RNF111: variants seen among roughly 807,000 people sequenced by gnomAD.
The protein encoded by RNF111 is ring finger protein 111.
RNF111 carries 17 observed loss-of-function variants against 95.1 expected under a neutral mutation model. That is an observed-to-expected ratio of 0.18 (90% CI 0.12 to 0.27). The LOEUF (loss-of-function observed/expected upper bound fraction) is 0.27. Ranked by LOEUF, RNF111 falls within the 10% of genes least tolerant of loss-of-function variation. RNF111 has a pLI of 1.00. For synonymous variants in RNF111, 440 were observed against 414.8 expected (o/e 1.06, Z -0.74); for missense variants, 1,189 against 1,210.4 (o/e 0.98, Z 0.26).
intron 1 of RNF111, among the ~76,000 whole-genome samples, chr15:59,019,417 A>G (rs1400041652): frequency 6.6e-6 from 1 of 152,180 alleles, no homozygotes; most frequent in African/African-American, 2.4e-5. Flanking sequence ...TTTAAAAAAA[A>G]TTGGCTTTCT....
Position 59,095,078 on chromosome 15 carries a change from T to G in RNF111, c.*178T>G, listed in dbSNP as rs1279305360. 5.2e-6 allele frequency: 3 copies of G among 577,262 alleles called. No homozygotes were observed. The highest frequency in any genetic ancestry group is 3.9e-4 in the Middle Eastern group (1 of 2,594). The allele number at this position is 577,262 out of a possible 1,614,324, so 35.8% of individuals were successfully genotyped here. A position where few individuals can be genotyped will look rare whatever the true frequency, so the allele number is the denominator to read the frequency against. On this transcript the variant is annotated 3_prime_UTR_variant, in exon 14 of 14. Transcript: ENST00000348370. ...AGTTTATGTATACAGTTGATTTTGATGTATTTATAAAAGCTTTTTTTTCTA... is the reference window on the plus strand; with the variant it reads ...AGTTTATGTATACAGTTGATTTTGAGGTATTTATAAAAGCTTTTTTTTCTA...
rs1444865033 is a variant in RNF111 at position 59,031,068 on chromosome 15, G to A, written c.246G>A (p.Gln82=). The stretch of plus-strand genomic sequence containing the variant: ...AAGAGAAGGAAATGAATGGTAACCA[G>A]CAAGAACAAGAAAAAAGTCTCGTTG... ...QKQEKEMNGN[Q]QEQEKSLVVR... Residue 82 remains glutamine, a synonymous_variant, in exon 2 of 14, where the codon CAG becomes CAA. Coordinates refer to ENST00000348370, the MANE Select transcript of RNF111 (RefSeq NM_017610.8). The A allele has an allele frequency of 1.2e-6, 2 of 1,614,118 alleles. No homozygotes were observed. Among genetic ancestry groups the A allele is most frequent in the Admixed American group, 3.3e-5 (2 of 60,010 alleles).
intron 1 of RNF111, among the ~76,000 whole-genome samples, chr15:58,988,777 G>C (rs1298679999): frequency 6.6e-6 from 1 of 152,132 alleles, no homozygotes; most frequent in African/African-American, 2.4e-5. Context: ...TAATTTGTTC[G>C]TGTGTGTGTT....
chr15:59,031,434 C>G lies in RNF111; in HGVS notation c.612C>G (p.Gly204=). The G allele has an allele frequency of 1.9e-6, 3 of 1,614,166 alleles. No individual in the cohort carries two copies. Among genetic ancestry groups the G allele is most frequent in the Non-Finnish European group, 2.5e-6 (3 of 1,180,026 alleles). ...GLLMKRPCLH[G]SSLRRLPCRK... ...TAATGAAAAGACCCTGTTTACATGG[C>G]AGTTCGTTACGGAGACTTCCATGCA... Residue 204 remains glycine, a synonymous_variant, in exon 2 of 14, where the codon GGC becomes GGG. Coordinates refer to ENST00000348370, the MANE Select transcript of RNF111 (RefSeq NM_017610.8).
intron 1 of RNF111, among the ~76,000 whole-genome samples, chr15:59,010,035 T>A (rs1385332517): frequency 2.0e-5 from 3 of 152,206 alleles, no homozygotes; most frequent in African/African-American, 7.2e-5. Context: ...TCATTCAGTT[T>A]ATATGCAATT....
chr15:59,022,396 T>C (rs187531924), intron 1 of RNF111, among the ~76,000 whole-genome samples: 9 of 152,352 alleles, frequency 5.9e-5, no homozygotes, highest in Non-Finnish European at 1.0e-4. Context: ...AGTTCCTCTT[T>C]ACCTGTCAGA....
intron 1 of RNF111, among the ~76,000 whole-genome samples, chr15:58,991,481 A>G (rs1258209833): frequency 6.6e-6 from 1 of 152,220 alleles, no homozygotes; most frequent in Non-Finnish European, 1.5e-5. Flanking sequence ...CATAATAAAC[A>G]GAATGGTTTC....
At position 59,051,936 on chromosome 15, in the gene RNF111, ATTAAAGGGT is replaced by A. The variant is rs1329591573; in HGVS notation, c.881-367_881-359del. Among the ~76,000 whole-genome samples, 4 of 152,246 alleles carry A rather than the reference ATTAAAGGGT, an allele frequency of 2.6e-5. No homozygotes were observed. The East Asian group carries it at 7.7e-4, about 29-fold the overall frequency. On this transcript the variant is annotated intron_variant, in intron 2 of 13. Coordinates refer to ENST00000348370, the MANE Select transcript of RNF111 (RefSeq NM_017610.8). ...AAAGCTATTGTAATTACTTTGAGCT[ATTAAAGGGT>A]TAATATCTTATATAGTAGAATATCT...
At chr15:59,051,140 A>G (rs1478727230) in intron 2 of RNF111, among the ~76,000 whole-genome samples, 1 of 152,232 alleles carries the variant, frequency 6.6e-6, no homozygotes, top group African/African-American at 2.4e-5. Context: ...ATGATTTAGA[A>G]AAGAACGGGC....
rs2078719961 is a variant in RNF111 at position 59,080,838 on chromosome 15, ATAC to A, written c.1949-95_1949-93del. 1.3e-5 allele frequency: 12 copies of A among 952,868 alleles called. 1 individual carries two copies. In the South Asian group the frequency reaches 1.9e-4, roughly 15 times the overall value. 59.0% of individuals were successfully genotyped at this position (952,868 alleles called of 1,614,324 possible). On this transcript the variant is annotated intron_variant, in intron 7 of 13. Coordinates refer to ENST00000348370, the MANE Select transcript of RNF111 (RefSeq NM_017610.8). ...TTGATAAAGTATTCATAAAAATAAA[ATAC>A]TAATATGTTTAAAAGTACACTAGGA...
At chr15:58,992,167 C>T (rs1165546675) in intron 1 of RNF111, among the ~76,000 whole-genome samples, 3 of 152,284 alleles carry the variant, frequency 2.0e-5, no homozygotes, top group Non-Finnish European at 2.9e-5. Flanking sequence ...GCGTCAGTCT[C>T]CTGAGTAGCT....
Position 59,096,262 on chromosome 15 carries a change from T to A in RNF111, c.*1362T>A. On this transcript the variant is annotated 3_prime_UTR_variant, in exon 14 of 14. Coordinates refer to ENST00000348370, the MANE Select transcript of RNF111 (RefSeq NM_017610.8). ...ACAGGATAGCCTAATTTTATTTGTTTAAATATGCTTAATATGCCCCAGATT... is the reference window on the plus strand; with the variant it reads ...ACAGGATAGCCTAATTTTATTTGTTAAAATATGCTTAATATGCCCCAGATT... 2.6e-6 allele frequency: 1 copy of A among 390,110 alleles called. No homozygotes were observed. Among genetic ancestry groups the A allele is most frequent in the Admixed American group, 4.4e-5 (1 of 22,554 alleles). The allele number at this position is 390,110 out of a possible 1,614,324, so 24.2% of individuals were successfully genotyped here. A position where few individuals can be genotyped will look rare whatever the true frequency, so the allele number is the denominator to read the frequency against.
chr15:59,044,943 TAA>T (rs540227986), intron 2 of RNF111, among the ~76,000 whole-genome samples: 220 of 152,330 alleles, frequency 1.4e-3, no homozygotes, highest in Non-Finnish European at 1.9e-3. Context: ...AAGTTATGCA[TAA>T]AGTCCTTTTT....
At chr15:59,028,333 G>C (rs1333887247) in intron 1 of RNF111, among the ~76,000 whole-genome samples, 1 of 152,032 alleles carries the variant, frequency 6.6e-6, no homozygotes, top group Non-Finnish European at 1.5e-5. Flanking sequence ...CCCTGTCCAA[G>C]GGGAAACCAT....
intron 2 of RNF111, among the ~76,000 whole-genome samples, chr15:59,052,061 A>AT (rs1355854486): frequency 6.6e-6 from 1 of 152,200 alleles, no homozygotes; most frequent in Non-Finnish European, 1.5e-5. Context: ...AACATCTGTA[A>AT]TGAATACAAC....
At chr15:59,070,716 C>T (rs1203118989) in intron 6 of RNF111, among the ~76,000 whole-genome samples, 1 of 152,144 alleles carries the variant, frequency 6.6e-6, no homozygotes, top group Admixed American at 6.5e-5. Flanking sequence ...AGTATCATCA[C>T]ACCCCTTTCC....
At chr15:59,011,117 CATTA>C (rs1268123608) in intron 1 of RNF111, among the ~76,000 whole-genome samples, 4 of 152,106 alleles carry the variant, frequency 2.6e-5, no homozygotes, top group Non-Finnish European at 5.9e-5. Flanking sequence ...TATACTTCAT[CATTA>C]ATTATATAGT....
At chr15:59,035,461 C>T (rs1348972897) in intron 2 of RNF111, among the ~76,000 whole-genome samples, 1 of 152,162 alleles carries the variant, frequency 6.6e-6, no homozygotes, top group Admixed American at 6.6e-5. Context: ...TTCCTAGATG[C>T]AATGAGGGTA....
intron 1 of RNF111, among the ~76,000 whole-genome samples, chr15:58,991,303 A>G (rs2038806193): frequency 6.6e-6 from 1 of 152,084 alleles, no homozygotes; most frequent in African/African-American, 2.4e-5. Context: ...AAAAAACAAA[A>G]CAACAAAAAA....
Sources: allele counts gnomAD v4.1 joint callset (sites outside exome capture counted in the v4.1 genomes callset), GRCh38; gene constraint gnomAD v4.1.1; transcripts MANE v1.5; gene names NCBI Gene and HGNC (gene_info 2026-07-23, HGNC 2026-07-21).